Variants in KIF23 observed in about 807,000 individuals in gnomAD.
KIF23 encodes the protein kinesin family member 23, also known as kinesin-like protein KIF23.
A neutral mutation model predicts 137.5 loss-of-function variants in KIF23; 30 were observed. That is an observed-to-expected ratio of 0.22 (90% confidence interval 0.16 to 0.30). KIF23 has a LOEUF of 0.30. Among genes scored for constraint, KIF23 ranks in the 10% least tolerant of loss-of-function variants. KIF23 has a pLI of 1.00. For synonymous variants in KIF23, 367 were observed against 391.1 expected (o/e 0.94, Z 0.73); for missense variants, 920 against 1,194.3 (o/e 0.77, Z 3.38).
chr15:69,425,180 T>G (rs1165949097), intron 7 of KIF23, 102 bp from the exon 8 acceptor site: 4 of 849,450 alleles, frequency 4.7e-6, no homozygotes, highest in Non-Finnish European at 7.2e-6. Context: ...TGGAGGGTTT[T>G]TAAGATATGA....
chr15:69,414,433 C>A lies in KIF23; in HGVS notation c.-33C>A, dbSNP rs762475879. On this transcript the variant is annotated 5_prime_UTR_variant, in exon 1 of 24. Coordinates refer to ENST00000679126, the MANE Select transcript of KIF23 (RefSeq NM_001367805.3). ...CAGTCTTCGCCAGCCAGCCGTCCCG[C>A]ATGCGCGTTTGGGCGGCGTGGAGCC... 7.0e-5 allele frequency: 110 copies of A among 1,579,920 alleles called. No individual in the cohort carries two copies. The highest frequency in any genetic ancestry group is 8.6e-5 in the Non-Finnish European group (100 of 1,163,106).
intron 10 of KIF23, among the ~76,000 whole-genome samples, chr15:69,427,063 CTTGAGGCCAGGAGT>C (rs2057214166): frequency 6.6e-6 from 1 of 152,092 alleles, no homozygotes; most frequent in African/African-American, 2.4e-5. Context: ...AGGAGGATCA[CTTGAGGCCAGGAGT>C]TTGAGACCAG....
chr15:69,438,278 T>C lies in KIF23; in HGVS notation c.1628T>C (p.Phe543Ser), dbSNP rs2057529203. ...GCTTTTAAAGCTTTGTTACAAGAAT[T>C]TGACAATGCTGTTTTAAGTAAAGAA... ...SNAFKALLQE[F>S]DNAVLSKENH... is the part of the protein sequence containing the mutation. The change falls in exon 16 of 24, where the codon TTT (phenylalanine) becomes TCT (serine). Residue 543 changes from phenylalanine (F) to serine (S), a missense_variant. Phe to Ser is a radical substitution (Grantham distance 155, BLOSUM62 -2). Around this residue, in one of 4 missense-constraint regions of KIF23, gnomAD observed 714 missense variants for 866.2 expected, o/e 0.82. Coordinates refer to ENST00000679126, the MANE Select transcript of KIF23 (RefSeq NM_001367805.3). 1.9e-6 allele frequency: 3 copies of C among 1,609,796 alleles called. No homozygotes were observed. In the South Asian group the frequency reaches 3.3e-5, roughly 18 times the overall value.
At chr15:69,421,918 T>G (rs1335825818) in intron 4 of KIF23, 74 bp from the exon 5 acceptor site, 4 of 1,555,394 alleles carry the variant, frequency 2.6e-6, no homozygotes, top group East Asian at 4.5e-5. Context: ...TGTTAGTGTT[T>G]TCTAATGCAG....
chr15:69,417,550 G>A (rs749776352), intron 3 of KIF23, 39 bp downstream of exon 3: 4 of 1,583,136 alleles, frequency 2.5e-6, no homozygotes, highest in Non-Finnish European at 3.4e-6. Flanking sequence ...TACTCAATAT[G>A]TTGTTTCCTG....
At position 69,436,568 on chromosome 15, in the gene KIF23, A is replaced by G. The variant is rs1303830834; in HGVS notation, c.1443A>G (p.Pro481=). The change falls in exon 15 of 24, where the codon CCA becomes CCG. Residue 481 remains proline, a synonymous_variant. Transcript: ENST00000679126. ...ATTTTCTATAATTCAATACAGAACC[A>G]TTGGTTACTGACGTGGTTTTGCAGA... ...NQPRGPVGNE[P]LVTDVVLQSF... is the part of the protein sequence containing the mutation. 3 of 1,605,098 alleles carry G rather than the reference A, an allele frequency of 1.9e-6. No homozygotes were observed. The highest frequency in any genetic ancestry group is 3.4e-5 in the Admixed American group (2 of 58,350).
chr15:69,427,745 T>G (rs2057237285), intron 10 of KIF23, among the ~76,000 whole-genome samples: 1 of 152,238 alleles, frequency 6.6e-6, no homozygotes, highest in African/African-American at 2.4e-5. Context: ...AGTGTAATTT[T>G]ATTCAAACTG....
chr15:69,427,367 T>C (rs1377722321), intron 10 of KIF23: 2 of 455,428 alleles, frequency 4.4e-6, no homozygotes, highest in Admixed American at 2.4e-5. Flanking sequence ...CCCATTATTA[T>C]AGTTTTGGGA....
At chr15:69,419,011 G>T (rs1349360139) in intron 3 of KIF23, among the ~76,000 whole-genome samples, 2 of 152,172 alleles carry the variant, frequency 1.3e-5, no homozygotes, top group Non-Finnish European at 2.9e-5. Flanking sequence ...CAGCTACTCA[G>T]TAGCCTGAGA....
intron 3 of KIF23, among the ~76,000 whole-genome samples, chr15:69,421,217 G>A (rs1370057381): frequency 6.6e-6 from 1 of 151,992 alleles, no homozygotes; most frequent in East Asian, 1.9e-4. Context: ...GGTGAAACCC[G>A]TCTCTACTAA....
intron 6 of KIF23, 37 bp downstream of exon 6, chr15:69,422,472 G>T (rs2057081778): frequency 1.7e-6 from 2 of 1,174,518 alleles, no homozygotes; most frequent in Non-Finnish European, 2.5e-6. Context: ...CTGGCCTAGG[G>T]GCACAGGATT....
Position 69,445,994 on chromosome 15 carries a change from T to G in KIF23, c.2674-15T>G, listed in dbSNP as rs756552728. The stretch of plus-strand genomic sequence containing the variant: ...TGTATCAATGTGTAACAGTGACCTT[T>G]TCTTTTGGCTTTAGGGTGATATTTA... On this transcript the variant is annotated splice_polypyrimidine_tract_variant and intron_variant, in intron 20 of 23. Transcript: ENST00000679126. The G allele has an allele frequency of 1.9e-6, 3 of 1,600,114 alleles. No homozygotes were observed. The highest frequency in any genetic ancestry group is 2.6e-6 in the Non-Finnish European group (3 of 1,167,982).
At chr15:69,418,779 A>C (rs2056980975) in intron 3 of KIF23, among the ~76,000 whole-genome samples, 2 of 152,216 alleles carry the variant, frequency 1.3e-5, no homozygotes, top group South Asian at 4.1e-4. Flanking sequence ...ACTAGTTCAT[A>C]ATCTCTTCAT....
chr15:69,443,165 A>G (rs1411866630), intron 19 of KIF23, among the ~76,000 whole-genome samples: 1 of 152,110 alleles, frequency 6.6e-6, no homozygotes, highest in Non-Finnish European at 1.5e-5. Context: ...CATGTCTTAG[A>G]GCTGTCACTA....
chr15:69,446,368 G>A lies in KIF23; in HGVS notation c.2838+4G>A. 1 of 1,611,444 alleles carries A rather than the reference G, an allele frequency of 6.2e-7. No individual in the cohort carries two copies. The highest frequency in any genetic ancestry group is 1.1e-5 in the South Asian group (1 of 90,950). ...ATGGACCGATGTAGAAACAAGGGTA[G>A]GGGAAAAATTAAATATTTGTCTGCC... On this transcript the variant is annotated splice_donor_region_variant and intron_variant, in intron 22 of 23. Coordinates refer to ENST00000679126, the MANE Select transcript of KIF23 (RefSeq NM_001367805.3).
At chr15:69,440,672 A>T in intron 18 of KIF23, 96 bp from the exon 19 acceptor site, 1 of 1,136,128 alleles carries the variant, frequency 8.8e-7, no homozygotes, top group Non-Finnish European at 1.2e-6. Context: ...ATTATTTGTA[A>T]TGTTAAGTCT....
Position 69,444,878 on chromosome 15 carries a change from A to G in KIF23, c.2510A>G (p.Lys837Arg). ...GCAGGAGACAGATGGGTAGATCATAAGCCCGCCTCTAACATGCAAACTGAA... is the reference window on the plus strand; with the variant it reads ...GCAGGAGACAGATGGGTAGATCATAGGCCCGCCTCTAACATGCAAACTGAA... ...RSAGDRWVDH[K>R]PASNMQTETV... Residue 837 changes from lysine to arginine, a missense_variant, in exon 20 of 24, where the codon AAG (lysine) becomes AGG (arginine). Transcript: ENST00000679126. The surrounding 1 kb of genome is among the most constrained non-coding windows in gnomAD (Gnocchi z 4.2). 2 of 1,614,196 alleles carry G rather than the reference A, an allele frequency of 1.2e-6. No homozygotes were observed. Among genetic ancestry groups the G allele is most frequent in the Non-Finnish European group, 8.5e-7 (1 of 1,180,020 alleles).
intron 11 of KIF23, chr15:69,435,112 C>CA (rs2057446781): frequency 4.2e-6 from 2 of 476,690 alleles, no homozygotes; most frequent in East Asian, 6.3e-5. Context: ...TGGGGGTCGC[C>CA]ATGATTCCTG....
intron 10 of KIF23, among the ~76,000 whole-genome samples, chr15:69,428,042 A>G (rs2057248974): frequency 1.3e-5 from 2 of 151,878 alleles, no homozygotes; most frequent in African/African-American, 2.4e-5. Flanking sequence ...GTGGATCATG[A>G]GGTCGGGAGA....
Sources: gnomAD v4.1 joint callset for allele counts (sites outside exome capture counted in the v4.1 genomes callset) on GRCh38, gnomAD v4.1.1 for gene constraint, gnomAD v4.1.1 regional missense constraint, Gnocchi (gnomAD v3.1) non-coding constraint, MANE v1.5 for transcripts, NCBI Gene and HGNC (gene_info 2026-07-23, HGNC 2026-07-21) for gene names.